DEUP1: variants seen among roughly 807,000 people sequenced by gnomAD.
The protein encoded by DEUP1 is deuterosome assembly protein 1.
DEUP1 carries 82 observed loss-of-function variants against 87.4 expected under a neutral mutation model. The ratio of observed to expected loss-of-function variants is 0.94; its 90% CI spans 0.78 to 1.13. The LOEUF is 1.13. Among genes scored for constraint, DEUP1 ranks in the 50% most tolerant of loss-of-function variants. DEUP1 has a pLI of 0.00. For synonymous variants in DEUP1, 214 were observed against 222.7 expected, an observed-to-expected ratio of 0.96 and a Z score of 0.35; for missense variants, 663 against 681.5, an observed-to-expected ratio of 0.97 and a Z score of 0.30.
At chr11:93,336,711 A>G in intron 2 of DEUP1, among the ~76,000 whole-genome samples, 1 of 152,072 alleles carries the variant, frequency 6.6e-6, no homozygotes, top group Non-Finnish European at 1.5e-5. Flanking sequence ...TTCTCCAGAG[A>G]ATATGCCTGG....
At chr11:93,355,649 C>T in intron 3 of DEUP1, 107 bp downstream of exon 3, 1 of 978,766 alleles carries the variant, frequency 1.0e-6, no homozygotes, top group Non-Finnish European at 1.4e-6. Context: ...GCATCAGCAA[C>T]AGCATTTATT....
chr11:93,415,836 T>C (rs545189735), intron 13 of DEUP1, among the ~76,000 whole-genome samples: 113 of 152,084 alleles, frequency 7.4e-4, no homozygotes, highest in Non-Finnish European at 1.5e-3. Context: ...TTCTCTATAC[T>C]AATCTATGGG....
At chr11:93,355,806 T>A (rs1366471259) in intron 3 of DEUP1, among the ~76,000 whole-genome samples, 2 of 152,108 alleles carry the variant, frequency 1.3e-5, no homozygotes. Context: ...TTAATATATA[T>A]GTAAAATATT....
intron 13 of DEUP1, among the ~76,000 whole-genome samples, chr11:93,430,760 CAA>C (rs1287643003): frequency 3.9e-5 from 6 of 151,948 alleles, no homozygotes; most frequent in African/African-American, 7.3e-5. Flanking sequence ...CAAAAACAAA[CAA>C]GAGGAGAAAA....
chr11:93,361,625 G>T (rs1351424092), intron 4 of DEUP1, among the ~76,000 whole-genome samples: 2 of 151,896 alleles, frequency 1.3e-5, no homozygotes, highest in Non-Finnish European at 2.9e-5. Flanking sequence ...CACTAAAAAA[G>T]ATCTACAAAG....
intron 9 of DEUP1, among the ~76,000 whole-genome samples, chr11:93,391,058 G>T (rs1346522619): frequency 6.6e-6 from 1 of 150,578 alleles, no homozygotes; most frequent in Non-Finnish European, 1.5e-5. Flanking sequence ...CTCCAGCCTG[G>T]GCGACAGAGC....
chr11:93,351,323 A>G (rs1944616983), intron 2 of DEUP1, among the ~76,000 whole-genome samples: 1 of 152,178 alleles, frequency 6.6e-6, no homozygotes, highest in Non-Finnish European at 1.5e-5. Flanking sequence ...TTAGCATGGT[A>G]CATTCTTACA....
At chr11:93,397,059 G>A (rs939571816) in intron 11 of DEUP1, among the ~76,000 whole-genome samples, 4 of 152,026 alleles carry the variant, frequency 2.6e-5, no homozygotes, top group African/African-American at 9.7e-5. Flanking sequence ...TTTGCTCTGA[G>A]AAAATTCTAA....
Position 93,413,470 on chromosome 11 carries a change from C to T in DEUP1, c.1524-1530C>T, listed in dbSNP as rs377583525. Among the ~76,000 whole-genome samples, 69 of 152,266 alleles carry T rather than the reference C, an allele frequency of 4.5e-4. 1 individual carries two copies. In the East Asian group the frequency reaches 0.013, roughly 28 times the overall value. ...TGTTAGCCGAGATGGTCTCGATCTCCTGACCTCGTGATCTGCCTGCCTCAG... is the reference window on the plus strand; with the variant it reads ...TGTTAGCCGAGATGGTCTCGATCTCTTGACCTCGTGATCTGCCTGCCTCAG... On this transcript the variant is annotated intron_variant, in intron 12 of 13. Transcript: ENST00000298050.
intron 2 of DEUP1, among the ~76,000 whole-genome samples, chr11:93,354,881 G>T (rs1446540861): frequency 6.6e-6 from 1 of 152,114 alleles, no homozygotes; most frequent in Non-Finnish European, 1.5e-5. Context: ...CAATTCCTTA[G>T]AAACAGACAC....
intron 2 of DEUP1, chr11:93,352,230 G>A: frequency 1.6e-6 from 1 of 624,616 alleles, no homozygotes; most frequent in South Asian, 1.9e-5. Context: ...TACATTAGAA[G>A]CCTCACTACC....
At chr11:93,384,966 G>A (rs1190178872) in intron 7 of DEUP1, among the ~76,000 whole-genome samples, 1 of 152,226 alleles carries the variant, frequency 6.6e-6, no homozygotes, top group East Asian at 1.9e-4. Flanking sequence ...GCTCACGCCT[G>A]TAATCCCAGC....
intron 2 of DEUP1, among the ~76,000 whole-genome samples, chr11:93,353,488 G>A (rs1003654711): frequency 1.6e-4 from 25 of 152,298 alleles, no homozygotes; most frequent in African/African-American, 5.8e-4. Flanking sequence ...AGCTCCAATA[G>A]GCAGTGCCCC....
intron 2 of DEUP1, among the ~76,000 whole-genome samples, chr11:93,344,499 C>T (rs1475340747): frequency 6.6e-6 from 1 of 151,862 alleles, no homozygotes. Flanking sequence ...CTTCTTTCTT[C>T]CTAATTCCTC....
chr11:93,331,703 G>A (rs1943491140), intron 1 of DEUP1, among the ~76,000 whole-genome samples: 1 of 152,194 alleles, frequency 6.6e-6, no homozygotes, highest in East Asian at 1.9e-4. Flanking sequence ...TATTCAATAA[G>A]TAGTAAATGG....
At chr11:93,345,944 G>T (rs545993595) in intron 2 of DEUP1, among the ~76,000 whole-genome samples, 88 of 152,220 alleles carry the variant, frequency 5.8e-4, no homozygotes, top group Non-Finnish European at 1.1e-3. Context: ...CCTATGTCTA[G>T]AATAGTGATG....
chr11:93,377,640 C>T (rs933240176), intron 7 of DEUP1, among the ~76,000 whole-genome samples: 8 of 152,040 alleles, frequency 5.3e-5, no homozygotes, highest in Non-Finnish European at 1.0e-4. Context: ...AAGTGAGGTA[C>T]TATTATATTC....
At chr11:93,383,423 T>C in intron 7 of DEUP1, 1 of 451,524 alleles carries the variant, frequency 2.2e-6, no homozygotes, top group East Asian at 3.3e-5. Context: ...GGCAATTCCA[T>C]AGAGATAGAA....
At position 93,437,927 on chromosome 11, in the gene DEUP1, C is replaced by T. The variant is rs1022207441; in HGVS notation, c.*208C>T. On this transcript the variant is annotated 3_prime_UTR_variant, in exon 14 of 14. Coordinates refer to ENST00000298050, the MANE Select transcript of DEUP1 (RefSeq NM_181645.4). ...TGCATTAACATGCTAAATTGTCCTG[C>T]TGTAGAGTTACTATAAAATAAACAT... The T allele has an allele frequency of 7.5e-6, 3 of 399,314 alleles. No individual in the cohort carries two copies. Among genetic ancestry groups the T allele is most frequent in the South Asian group, 3.1e-5 (1 of 32,284 alleles). The allele number at this position is 399,314 out of a possible 1,614,324, so 24.7% of individuals were successfully genotyped here.
Sources: gnomAD v4.1 joint callset for allele counts (sites outside exome capture counted in the v4.1 genomes callset) on GRCh38, gnomAD v4.1.1 for gene constraint, MANE v1.5 for transcripts, NCBI Gene and HGNC (gene_info 2026-07-23, HGNC 2026-07-21) for gene names.